ADCK1: variants seen among roughly 807,000 people sequenced by gnomAD.
ADCK1 encodes the protein aarF domain containing kinase 1.
Under a neutral mutation model 52.3 loss-of-function variants are expected in ADCK1, and 41 were observed. The ratio of observed to expected loss-of-function variants is 0.78; its 90% CI spans 0.61 to 1.02. The LOEUF is 1.02. Among genes scored for constraint, ADCK1 ranks in the 50% least tolerant of loss-of-function variants. ADCK1 has a pLI of 0.00. For synonymous variants in ADCK1, 250 were observed against 274.6 expected (o/e 0.91, Z 0.89); for missense variants, 658 against 679.5 (o/e 0.97, Z 0.35).
intron 3 of ADCK1, among the ~76,000 whole-genome samples, chr14:77,850,435 G>T (rs930057024): frequency 2.6e-5 from 4 of 151,998 alleles, no homozygotes; most frequent in African/African-American, 4.8e-5. Flanking sequence ...GTTTCTCTTT[G>T]CAGTTTCATT....
At chr14:77,905,304 GT>G (rs58057378) in intron 6 of ADCK1, among the ~76,000 whole-genome samples, 1,093 of 96,248 alleles carry the variant, frequency 0.011, 8 homozygotes, top group African/African-American at 0.032. Flanking sequence ...TTCCTAGCTG[GT>G]TTTTTTTTTT....
At chr14:77,905,413 C>T (rs556215185) in intron 6 of ADCK1, among the ~76,000 whole-genome samples, 38 of 149,204 alleles carry the variant, frequency 2.5e-4, no homozygotes, top group Admixed American at 2.1e-3. Flanking sequence ...CAGGTTCTAG[C>T]GATTCTCTTT....
At chr14:77,925,054 A>G (rs2084157213) in intron 8 of ADCK1, among the ~76,000 whole-genome samples, 1 of 152,232 alleles carries the variant, frequency 6.6e-6, no homozygotes, top group South Asian at 2.1e-4. Flanking sequence ...CTCAGGATGC[A>G]GATCTGGTTC....
At chr14:77,807,223 C>T (rs1233606695) in intron 1 of ADCK1, among the ~76,000 whole-genome samples, 1 of 151,760 alleles carries the variant, frequency 6.6e-6, no homozygotes, top group Admixed American at 6.6e-5. Flanking sequence ...CGCCCGCCAC[C>T]ACGCCCGGTT....
In ADCK1 at chr14:77,818,990, G is replaced by A; in HGVS notation, c.12G>A (p.Lys4=). The part of the protein sequence containing the change: MAR[K]ALKLASWTSM... ...CAGGATCTGGCGACATGGCCAGAAA[G>A]GCTCTCAAGCTTGCTTCGTGGACCA... is the stretch of plus-strand genomic sequence containing the variant. The change falls in exon 2 of 11, where the codon AAG becomes AAA. Residue 4 remains lysine (K), a synonymous_variant. Transcript: ENST00000238561. 6.2e-7 allele frequency: 1 copy of A among 1,614,088 alleles called. No homozygotes were observed. The highest frequency in any genetic ancestry group is 8.5e-7 in the Non-Finnish European group (1 of 1,179,990).
chr14:77,886,764 G>T (rs1033236025), intron 4 of ADCK1, among the ~76,000 whole-genome samples: 1 of 152,008 alleles, frequency 6.6e-6, no homozygotes, highest in African/African-American at 2.4e-5. Flanking sequence ...AAGATTAGCT[G>T]GGTGTGATGT....
At chr14:77,931,860 T>C in intron 10 of ADCK1, 149 bp downstream of exon 10, 1 of 913,664 alleles carries the variant, frequency 1.1e-6, no homozygotes, top group Non-Finnish European at 1.6e-6. Flanking sequence ...AGTTAAAGTT[T>C]GAAATGTTTT....
chr14:77,883,894 G>A (rs902132045), intron 4 of ADCK1, among the ~76,000 whole-genome samples: 1 of 152,186 alleles, frequency 6.6e-6, no homozygotes, highest in Admixed American at 6.5e-5. Flanking sequence ...GATTCCCCTG[G>A]TGGGGATGGG....
intron 1 of ADCK1, among the ~76,000 whole-genome samples, chr14:77,800,767 C>A (rs879708623): frequency 1.3e-5 from 2 of 152,250 alleles, no homozygotes; most frequent in Admixed American, 6.5e-5. Context: ...ACACCTAGAA[C>A]AGCCCTCTCC....
At chr14:77,901,806 C>T (rs2083553127) in intron 6 of ADCK1, among the ~76,000 whole-genome samples, 1 of 152,178 alleles carries the variant, frequency 6.6e-6, no homozygotes, top group African/African-American at 2.4e-5. Context: ...AGGTGTATGC[C>T]TATTAAAACA....
At chr14:77,816,904 T>TATATATATATATATATATATATATATATA (rs1555346949) in intron 1 of ADCK1, among the ~76,000 whole-genome samples, 13 of 64,166 alleles carry the variant, frequency 2.0e-4, no homozygotes, top group South Asian at 5.6e-4. Flanking sequence ...ATATATATAT[T>TATATATATATATATATATATATATATATA]TAAAAAATGT....
chr14:77,825,517 T>C (rs1032105942), intron 3 of ADCK1, among the ~76,000 whole-genome samples: 1 of 152,164 alleles, frequency 6.6e-6, no homozygotes, highest in Non-Finnish European at 1.5e-5. Context: ...TCCTACAAGG[T>C]ATGTTCCATG....
intron 4 of ADCK1, among the ~76,000 whole-genome samples, chr14:77,879,219 A>G (rs888455720): frequency 1.3e-5 from 2 of 152,208 alleles, no homozygotes; most frequent in African/African-American, 4.8e-5. Flanking sequence ...CTGTTAGGAA[A>G]TACTTACCGA....
chr14:77,826,644 C>T lies in ADCK1; in HGVS notation c.219+4126C>T, dbSNP rs181766502. Among the ~76,000 whole-genome samples, 158 of 152,152 alleles carry T rather than the reference C, an allele frequency of 1.0e-3. 2 individuals carry two copies. Among genetic ancestry groups the T allele is most frequent in the Non-Finnish European group, 6.5e-4 (44 of 67,982 alleles). On this transcript the variant is annotated intron_variant, in intron 3 of 10. Coordinates refer to ENST00000238561, the MANE Select transcript of ADCK1 (RefSeq NM_020421.4). ...AGAAGTCATTGCTGGTGTAGACATCCAGGAATGGGGCTGGAGGAGAGAAGA... is the reference window on the plus strand; with the variant it reads ...AGAAGTCATTGCTGGTGTAGACATCTAGGAATGGGGCTGGAGGAGAGAAGA...
intron 3 of ADCK1, among the ~76,000 whole-genome samples, chr14:77,842,115 CAA>C (rs1566656873): frequency 6.6e-6 from 1 of 151,952 alleles, no homozygotes; most frequent in East Asian, 1.9e-4. Context: ...ACATGACACA[CAA>C]ACAAACAAAA....
intron 7 of ADCK1, among the ~76,000 whole-genome samples, chr14:77,913,419 A>G (rs1219727007): frequency 6.6e-6 from 1 of 152,018 alleles, no homozygotes; most frequent in Admixed American, 6.6e-5. Flanking sequence ...AGGGGCCCTC[A>G]TTTGTTTGTG....
intron 10 of ADCK1, 57 bp from the exon 11 acceptor site, chr14:77,933,163 A>C: frequency 6.4e-7 from 1 of 1,574,740 alleles, no homozygotes; most frequent in East Asian, 2.3e-5. Context: ...AATGATACAG[A>C]GCTAGTGTTT....
chr14:77,901,492 C>T (rs1160477671), intron 6 of ADCK1, among the ~76,000 whole-genome samples: 2 of 151,856 alleles, frequency 1.3e-5, no homozygotes, highest in African/African-American at 4.8e-5. Context: ...CGGGTTCAGG[C>T]GATTCTCCTG....
chr14:77,897,324 G>A (rs1014054233), intron 5 of ADCK1, among the ~76,000 whole-genome samples: 2 of 152,266 alleles, frequency 1.3e-5, no homozygotes, highest in South Asian at 4.1e-4. Context: ...CAGAATTCTG[G>A]AACACCTCCT....
Sources: gnomAD v4.1 joint callset for allele counts (sites outside exome capture counted in the v4.1 genomes callset) on GRCh38, gnomAD v4.1.1 for gene constraint, MANE v1.5 for transcripts, NCBI Gene and HGNC (gene_info 2026-07-23, HGNC 2026-07-21) for gene names.